DACH1: variants seen among roughly 807,000 people sequenced by gnomAD.
DACH1 encodes dachshund family transcription factor 1.
Under a neutral mutation model 54.2 loss-of-function variants are expected in DACH1, and 12 were observed. The observed-to-expected ratio is 0.22, with a 90% CI of 0.14 to 0.36. The LOEUF (loss-of-function observed/expected upper bound fraction) is 0.36, where lower values mean the gene tolerates loss of function less well. Ranked by LOEUF, DACH1 falls within the 10% of genes least tolerant of loss-of-function variation. The pLI is 1.00. For synonymous variants in DACH1, 386 were observed against 366.2 expected (o/e 1.05, Z -0.62); for missense variants, 805 against 929.8 (o/e 0.87, Z 1.75).
chr13:71,644,643 A>G (rs932369579), intron 2 of DACH1, among the ~76,000 whole-genome samples: 2 of 152,190 alleles, frequency 1.3e-5, no homozygotes, highest in African/African-American at 4.8e-5. Flanking sequence ...TCTATCCACA[A>G]ATCACAATGC....
intron 2 of DACH1, among the ~76,000 whole-genome samples, chr13:71,657,621 C>T (rs900799510): frequency 6.0e-5 from 9 of 149,220 alleles, no homozygotes; most frequent in African/African-American, 1.5e-4. Context: ...TTCACAATTT[C>T]GTCTGGTGCT....
chr13:71,652,914 G>A (rs971672895), intron 2 of DACH1, among the ~76,000 whole-genome samples: 1 of 152,104 alleles, frequency 6.6e-6, no homozygotes, highest in Non-Finnish European at 1.5e-5. Flanking sequence ...AGTGGACCGC[G>A]ATGACCAGTA....
intron 1 of DACH1, among the ~76,000 whole-genome samples, chr13:71,737,137 C>T (rs902583808): frequency 3.1e-4 from 47 of 151,958 alleles, no homozygotes; most frequent in African/African-American, 1.1e-3. Context: ...GCAGAAGAAT[C>T]GCTTGAACCC....
intron 6 of DACH1, among the ~76,000 whole-genome samples, chr13:71,551,618 T>C (rs1883822664): frequency 6.6e-6 from 1 of 152,138 alleles, no homozygotes; most frequent in South Asian, 2.1e-4. Flanking sequence ...TGCTGCATTT[T>C]TGAAGACTCA....
chr13:71,711,385 A>G (rs1337304037), intron 1 of DACH1, among the ~76,000 whole-genome samples: 1 of 152,156 alleles, frequency 6.6e-6, no homozygotes, highest in Non-Finnish European at 1.5e-5. Flanking sequence ...TAAGACAGCC[A>G]TTTATCTTGA....
rs1268494056 is a variant in DACH1, at chr13:71,866,374, G to A, written c.396C>T (p.Thr132=). The A allele has an allele frequency of 6.7e-7, 1 of 1,503,360 alleles. No homozygotes were observed. Among genetic ancestry groups the A allele is most frequent in the South Asian group, 1.2e-5 (1 of 81,822 alleles). The allele number at this position is 1,503,360 out of a possible 1,614,324, so 93.1% of individuals were successfully genotyped here. The part of the protein sequence containing the change: ...ISAGGGVASS[T]PINASTGSSS... ...TGCTGCCGGTGCTGGCGTTGATGGG[G>A]GTGCTGGAAGCGACGCCGCCGCCAG... is the stretch of plus-strand genomic sequence containing the variant. Residue 132 remains threonine (T), a synonymous_variant, in exon 1 of 11, where the codon ACC becomes ACT. Coordinates refer to ENST00000613252, the MANE Select transcript of DACH1 (RefSeq NM_080759.6).
chr13:71,668,152 T>C (rs1879968374), intron 2 of DACH1, among the ~76,000 whole-genome samples: 1 of 151,946 alleles, frequency 6.6e-6, no homozygotes, highest in African/African-American at 2.4e-5. Context: ...CTTTGGGAAC[T>C]AAACATTTTA....
At chr13:71,539,721 C>T (rs532918129) in intron 6 of DACH1, among the ~76,000 whole-genome samples, 18 of 152,066 alleles carry the variant, frequency 1.2e-4, no homozygotes, top group African/African-American at 4.3e-4. Context: ...AAGTAAATTA[C>T]ACCAAGCTTT....
chr13:71,644,165 A>G (rs1283282885), intron 2 of DACH1, among the ~76,000 whole-genome samples: 1 of 152,174 alleles, frequency 6.6e-6, no homozygotes, highest in Non-Finnish European at 1.5e-5. Flanking sequence ...TAGTTTTGAT[A>G]TTAATTAAAT....
At chr13:71,792,735 G>A (rs1458103392) in intron 1 of DACH1, among the ~76,000 whole-genome samples, 1 of 152,082 alleles carries the variant, frequency 6.6e-6, no homozygotes, top group Non-Finnish European at 1.5e-5. Flanking sequence ...GCCATCATTC[G>A]ACTTTATCTA....
chr13:71,812,479 A>G (rs1158389951), intron 1 of DACH1, among the ~76,000 whole-genome samples: 1 of 151,300 alleles, frequency 6.6e-6, no homozygotes, highest in East Asian at 1.9e-4. Flanking sequence ...ATCAGTATTT[A>G]GAGGACAGGT....
chr13:71,756,341 G>A (rs368547477), intron 1 of DACH1, among the ~76,000 whole-genome samples: 78 of 151,792 alleles, frequency 5.1e-4, no homozygotes, highest in African/African-American at 1.6e-3. Context: ...CACCGCACCC[G>A]GCCAAGACAT....
At chr13:71,493,620 G>A (rs1000851837) in intron 6 of DACH1, among the ~76,000 whole-genome samples, 4 of 152,120 alleles carry the variant, frequency 2.6e-5, no homozygotes, top group Non-Finnish European at 5.9e-5. Flanking sequence ...GTTAGTATTA[G>A]CTGCTTTGGA....
chr13:71,652,801 A>G (rs1006462347), intron 2 of DACH1, among the ~76,000 whole-genome samples: 1 of 152,148 alleles, frequency 6.6e-6, no homozygotes, highest in Non-Finnish European at 1.5e-5. Context: ...ATAACTCATT[A>G]AGTTTTCTTT....
At chr13:71,786,692 A>G (rs1284426019) in intron 1 of DACH1, among the ~76,000 whole-genome samples, 1 of 152,158 alleles carries the variant, frequency 6.6e-6, no homozygotes, top group Non-Finnish European at 1.5e-5. Flanking sequence ...GCTATTATTA[A>G]GTCCAATCTT....
chr13:71,474,998 T>C (rs541065099), intron 10 of DACH1, 143 bp downstream of exon 10: 4 of 674,618 alleles, frequency 5.9e-6, no homozygotes, highest in East Asian at 5.3e-5. Context: ...TTCACTCATA[T>C]AAACAAGCAA....
At chr13:71,656,077 T>G (rs1336618112) in intron 2 of DACH1, among the ~76,000 whole-genome samples, 1 of 152,222 alleles carries the variant, frequency 6.6e-6, no homozygotes, top group Non-Finnish European at 1.5e-5. Context: ...TTTGGGATTT[T>G]GGGTATTGGG....
At chr13:71,862,568 C>A (rs1161481362) in intron 1 of DACH1, among the ~76,000 whole-genome samples, 5 of 151,888 alleles carry the variant, frequency 3.3e-5, no homozygotes, top group East Asian at 1.9e-4. Flanking sequence ...TGTTTTGAGA[C>A]CTTTATTTTT....
chr13:71,846,459 C>A (rs1233589484), intron 1 of DACH1: 1 of 152,560 alleles, frequency 6.6e-6, no homozygotes, highest in Non-Finnish European at 1.5e-5. Context: ...CTGGCCAACA[C>A]GGTGAAACCC....
Sources: allele counts gnomAD v4.1 joint callset (sites outside exome capture counted in the v4.1 genomes callset), GRCh38; gene constraint gnomAD v4.1.1; transcripts MANE v1.5; gene names NCBI Gene and HGNC (gene_info 2026-07-23, HGNC 2026-07-21).